CHRM3: variants seen among roughly 807,000 people sequenced by gnomAD.
CHRM3 encodes muscarinic acetylcholine receptor M3.
In CHRM3, 11 loss-of-function variants were observed where a neutral mutation model predicts 41.8. The observed-to-expected ratio is 0.26, with a 90% CI of 0.17 to 0.44. CHRM3 has a LOEUF of 0.44. CHRM3 is among the 20% of genes least tolerant of loss of function. The pLI, the probability that CHRM3 is intolerant of heterozygous loss-of-function variation, is 1.00. For synonymous variants in CHRM3, 297 were observed against 301.4 expected, an observed-to-expected ratio of 0.99 and a Z score of 0.15; for missense variants, 571 against 745.4, an observed-to-expected ratio of 0.77 and a Z score of 2.72.
At chr1:239,716,509 T>A (rs1190775135) in intron 5 of CHRM3, among the ~76,000 whole-genome samples, 1 of 152,126 alleles carries the variant, frequency 6.6e-6, no homozygotes, top group Non-Finnish European at 1.5e-5. Flanking sequence ...CTTTAAGCCA[T>A]GTACCAAAGC....
intron 5 of CHRM3, among the ~76,000 whole-genome samples, chr1:239,815,270 A>G (rs1671482586): frequency 6.6e-6 from 1 of 152,178 alleles, no homozygotes; most frequent in African/African-American, 2.4e-5. Flanking sequence ...TACTGTCAGG[A>G]CATATCAAAA....
chr1:239,611,035 GCAAGACT>G (rs1019143539), intron 3 of CHRM3, among the ~76,000 whole-genome samples: 3 of 152,192 alleles, frequency 2.0e-5, no homozygotes, highest in Admixed American at 2.0e-4. Flanking sequence ...TGGTGACAGA[GCAAGACT>G]CAGTCTCAAA....
intron 6 of CHRM3, chr1:239,886,281 C>T (rs1410443926): frequency 2.0e-5 from 3 of 152,104 alleles, no homozygotes; most frequent in Non-Finnish European, 2.9e-5. Context: ...CATGGATGAC[C>T]GACCAAGGAA....
chr1:239,801,964 G>A (rs367973540), intron 5 of CHRM3, among the ~76,000 whole-genome samples: 49 of 152,278 alleles, frequency 3.2e-4, no homozygotes, highest in African/African-American at 1.1e-3. Context: ...CATACCCAGT[G>A]ACCAAGAGCA....
At chr1:239,840,132 T>A (rs1045097536) in intron 6 of CHRM3, among the ~76,000 whole-genome samples, 1 of 152,234 alleles carries the variant, frequency 6.6e-6, no homozygotes, top group African/African-American at 2.4e-5. Context: ...TAACTGCATT[T>A]ATCAATTTTG....
At chr1:239,552,310 G>A (rs929727792) in intron 3 of CHRM3, among the ~76,000 whole-genome samples, 6 of 138,382 alleles carry the variant, frequency 4.3e-5, no homozygotes, top group Admixed American at 4.3e-4. Context: ...TATATGTATA[G>A]ATATGTATCA....
intron 5 of CHRM3, among the ~76,000 whole-genome samples, chr1:239,716,574 G>A (rs1662390240): frequency 6.6e-6 from 1 of 152,078 alleles, no homozygotes; most frequent in African/African-American, 2.4e-5. Context: ...AGGGAGAAAT[G>A]ATGTTTACAG....
At chr1:239,478,827 G>C (rs1043203988) in intron 1 of CHRM3, among the ~76,000 whole-genome samples, 8 of 152,136 alleles carry the variant, frequency 5.3e-5, no homozygotes, top group African/African-American at 1.7e-4. Context: ...TTCCTTAGGA[G>C]AGACAGAATG....
Position 239,589,638 on chromosome 1 carries a change from C to CTATATATATA in CHRM3, c.-312-42563_-312-42554dup, listed in dbSNP as rs10592228. Among the ~76,000 whole-genome samples, 240 of 124,878 alleles carry CTATATATATA rather than the reference C, an allele frequency of 1.9e-3. 2 individuals carry two copies. Among genetic ancestry groups the CTATATATATA allele is most frequent in the African/African-American group, 6.6e-3 (222 of 33,792 alleles). The allele number at this position is 124,878 out of a possible 152,430, so 81.9% of individuals were successfully genotyped here. On this transcript the variant is annotated intron_variant, in intron 3 of 6. Coordinates refer to ENST00000676153, the MANE Select transcript of CHRM3 (RefSeq NM_001375978.1). ...AATTTCCATGCATATATATAAAAAACTATATATATATATATATATATATAT... is the reference window on the plus strand; with the variant it reads ...AATTTCCATGCATATATATAAAAAACTATATATATATATATATATATATATATATATATAT...
intron 2 of CHRM3, among the ~76,000 whole-genome samples, chr1:239,534,753 T>C (rs1658031647): frequency 6.6e-6 from 1 of 152,212 alleles, no homozygotes; most frequent in Non-Finnish European, 1.5e-5. Context: ...ATCATAAGAT[T>C]CATACATGGA....
chr1:239,755,795 T>C (rs1347181018), intron 5 of CHRM3, among the ~76,000 whole-genome samples: 1 of 152,178 alleles, frequency 6.6e-6, no homozygotes. Flanking sequence ...CAGCACATTT[T>C]ACAAGCTTCC....
chr1:239,516,903 A>T (rs1375487290), intron 2 of CHRM3, among the ~76,000 whole-genome samples: 1 of 151,882 alleles, frequency 6.6e-6, no homozygotes, highest in South Asian at 2.1e-4. Context: ...TAGGTTGCAC[A>T]CTCCTTATGT....
chr1:239,886,016 A>G (rs1416873974), intron 6 of CHRM3: 2 of 152,208 alleles, frequency 1.3e-5, no homozygotes, highest in Non-Finnish European at 2.9e-5. Context: ...ATGATCAACC[A>G]CATTCTGTTA....
At chr1:239,419,735 A>G (rs750880417) in intron 1 of CHRM3, among the ~76,000 whole-genome samples, 2 of 152,334 alleles carry the variant, frequency 1.3e-5, no homozygotes, top group East Asian at 1.9e-4. Flanking sequence ...AATGCGAAAC[A>G]ATGTATCATA....
At chr1:239,598,321 C>A (rs1665058135) in intron 3 of CHRM3, among the ~76,000 whole-genome samples, 1 of 152,092 alleles carries the variant, frequency 6.6e-6, no homozygotes, top group South Asian at 2.1e-4. Context: ...TATTCCTTGG[C>A]TCCCTTGCAT....
At position 239,545,672 on chromosome 1, in the gene CHRM3, T is replaced by C. The variant is rs1659219984; in HGVS notation, c.-390T>C. 6.6e-6 allele frequency: 1 copy of C among 152,174 alleles called. No individual in the cohort carries two copies. Among genetic ancestry groups the C allele is most frequent in the African/African-American group, 2.4e-5 (1 of 41,446 alleles). The allele number at this position is 152,174 out of a possible 1,614,324, so 9.4% of individuals were successfully genotyped here. A position where few individuals can be genotyped will look rare whatever the true frequency, so the allele number is the denominator to read the frequency against. The stretch of plus-strand genomic sequence containing the variant: ...ACAGTAATGGCACATATTTTGGTTA[T>C]GAGTCACTCAGAGGACTGTGGATTG... On this transcript the variant is annotated 5_prime_UTR_variant, in exon 3 of 7. It removes an upstream start codon present in the reference 5' UTR. Transcript: ENST00000676153.
At chr1:239,473,333 C>G (rs536543736) in intron 1 of CHRM3, among the ~76,000 whole-genome samples, 19 of 142,202 alleles carry the variant, frequency 1.3e-4, no homozygotes, top group Non-Finnish European at 2.3e-4. Flanking sequence ...TTATCTGTAA[C>G]ACATATAACC....
At chr1:239,397,497 C>A (rs746453238) in intron 1 of CHRM3, among the ~76,000 whole-genome samples, 39 of 151,630 alleles carry the variant, frequency 2.6e-4, no homozygotes, top group Non-Finnish European at 5.0e-4. Flanking sequence ...ACAGTGAAAC[C>A]CCTTCTCTCC....
intron 5 of CHRM3, among the ~76,000 whole-genome samples, chr1:239,758,345 T>C (rs541879172): frequency 1.3e-5 from 2 of 152,310 alleles, no homozygotes; most frequent in Admixed American, 6.5e-5. Context: ...GGTGCTTGCA[T>C]GTAGCAGGTC....
Sources: allele counts gnomAD v4.1 joint callset (sites outside exome capture counted in the v4.1 genomes callset), GRCh38; gene constraint gnomAD v4.1.1; transcripts MANE v1.5; gene names NCBI Gene and HGNC (gene_info 2026-07-23, HGNC 2026-07-21).